Variants in NFIB observed in about 807,000 individuals in gnomAD.
NFIB encodes nuclear factor I B.
In NFIB, 11 loss-of-function variants were observed where a neutral mutation model predicts 61.5. The observed-to-expected ratio is 0.18, with a 90% CI of 0.11 to 0.30. NFIB has a LOEUF of 0.30. Ranked by LOEUF, NFIB falls within the 10% of genes least tolerant of loss-of-function variation. The pLI, the probability that NFIB is intolerant of heterozygous loss-of-function variation, is 1.00. For synonymous variants in NFIB, 260 were observed against 216.5 expected, an observed-to-expected ratio of 1.20 and a Z score of -1.76; for missense variants, 471 against 608.9, an observed-to-expected ratio of 0.77 and a Z score of 2.38.
rs892200899 is a variant in NFIB, at chr9:14,329,272, A to C, written c.109-21752T>G. ...GGACACCTCCTGACTCTAAACAAGC[A>C]CTCTTTGTATTAATGTTTTTTTCAG... is the stretch of plus-strand genomic sequence containing the variant. On this transcript the variant is annotated intron_variant, in intron 1 of 8. Transcript: ENST00000380934. Among the ~76,000 whole-genome samples the C allele has an allele frequency of 2.3e-4, 35 of 151,852 alleles. 1 individual carries two copies. Among genetic ancestry groups the C allele is most frequent in the African/African-American group, 8.5e-4 (35 of 41,388 alleles).
In NFIB at chr9:14,307,437, T is replaced by A; in HGVS notation, c.114A>T (p.Lys38Asn). 6.2e-7 allele frequency: 1 copy of A among 1,613,864 alleles called. No individual in the cohort carries two copies. Among genetic ancestry groups the A allele is most frequent in the Non-Finnish European group, 8.5e-7 (1 of 1,179,974 alleles). The change falls in exon 2 of 11, where the codon AAA (lysine) becomes AAT (asparagine). Residue 38 changes from lysine (K) to asparagine (N), a missense_variant. Physicochemically the swap from Lys to Asn is moderately conservative, Grantham distance 94. Around this residue, in one of 2 missense-constraint regions of NFIB, gnomAD observed 99 missense variants for 213.3 expected, o/e 0.46. Coordinates refer to ENST00000380953, the MANE Select transcript of NFIB (RefSeq NM_001190737.2). The surrounding 1 kb of genome is among the most constrained non-coding windows in gnomAD (Gnocchi z 5.3). Reference sequence around the variant, plus strand: ...TCTCATGCTTTTTAAAGTACTTGCGTTTTCGAGCCTGCAGGTTGAACCAAG... The same window carrying A: ...TCTCATGCTTTTTAAAGTACTTGCGATTTCGAGCCTGCAGGTTGAACCAAG... ...AYTWFNLQARKRKYFKKHEKR... is the reference protein window; with the variant it reads ...AYTWFNLQARNRKYFKKHEKR...
intron 5 of NFIB, among the ~76,000 whole-genome samples, chr9:14,149,015 T>C (rs991331417): frequency 5.3e-5 from 8 of 152,212 alleles, no homozygotes; most frequent in African/African-American, 2.4e-5. Flanking sequence ...CAGTATCTTA[T>C]ATAAAGTAGT....
At chr9:14,446,774 G>A in the NFIB span, among the ~76,000 whole-genome samples, 1 of 152,024 alleles carries the variant, frequency 6.6e-6, no homozygotes, top group Admixed American at 6.6e-5. Flanking sequence ...CATCACAAGA[G>A]TACAGGGAAT....
chr9:14,345,809 T>G (rs1158689301), intron 1 of NFIB, among the ~76,000 whole-genome samples: 1 of 152,138 alleles, frequency 6.6e-6, no homozygotes, highest in African/African-American at 2.4e-5. Context: ...CCCTCACCTG[T>G]ATTTTTCTCC....
intron 1 of NFIB, among the ~76,000 whole-genome samples, chr9:14,346,351 A>C (rs1480496833): frequency 7.1e-6 from 1 of 140,110 alleles, no homozygotes; most frequent in African/African-American, 2.5e-5. Flanking sequence ...GCCCCTGGGA[A>C]CGTCGCTCCG....
At chr9:14,165,761 A>T (rs1283766918) in intron 3 of NFIB, among the ~76,000 whole-genome samples, 2 of 152,178 alleles carry the variant, frequency 1.3e-5, no homozygotes, top group Non-Finnish European at 2.9e-5. Context: ...TCACAAAAAG[A>T]CAAATACTGT....
At chr9:14,426,009 C>T in the NFIB span, among the ~76,000 whole-genome samples, 2 of 152,108 alleles carry the variant, frequency 1.3e-5, no homozygotes, top group Non-Finnish European at 2.9e-5. Flanking sequence ...TCTTCTTTTC[C>T]TTACCTCTTC....
intron 2 of NFIB, among the ~76,000 whole-genome samples, chr9:14,222,862 C>G (rs914428085): frequency 3.3e-5 from 5 of 151,534 alleles, no homozygotes; most frequent in Admixed American, 2.0e-4. Flanking sequence ...AGCTCAAACA[C>G]CCCTTCTTTC....
intron 2 of NFIB, among the ~76,000 whole-genome samples, chr9:14,259,185 C>G (rs919474293): frequency 6.6e-6 from 1 of 152,044 alleles, no homozygotes; most frequent in Non-Finnish European, 1.5e-5. Flanking sequence ...GATAACATTT[C>G]TTTGTTTTAA....
intron 2 of NFIB, among the ~76,000 whole-genome samples, chr9:14,305,007 G>C (rs544874803): frequency 6.6e-6 from 1 of 152,272 alleles, no homozygotes; most frequent in East Asian, 1.9e-4. Flanking sequence ...ATAATGAAAA[G>C]TTCTTACAAT....
At chr9:14,138,091 T>C (rs1299217609) in intron 6 of NFIB, among the ~76,000 whole-genome samples, 1 of 152,192 alleles carries the variant, frequency 6.6e-6, no homozygotes, top group East Asian at 1.9e-4. Flanking sequence ...GTTCCCATTC[T>C]ACCTCTGCTA....
the NFIB span, among the ~76,000 whole-genome samples, chr9:14,500,805 G>A: frequency 2.0e-5 from 3 of 152,032 alleles, no homozygotes; most frequent in African/African-American, 4.8e-5. Context: ...GGACTCTCAC[G>A]CATTTCCCAC....
At chr9:14,522,294 G>C in the NFIB span, among the ~76,000 whole-genome samples, 1 of 151,444 alleles carries the variant, frequency 6.6e-6, no homozygotes, top group Non-Finnish European at 1.5e-5. Context: ...CAGCGTTTAT[G>C]TGTGTAAACT....
chr9:14,220,120 G>A (rs989367967), intron 2 of NFIB, among the ~76,000 whole-genome samples: 4 of 152,288 alleles, frequency 2.6e-5, no homozygotes, highest in Admixed American at 6.5e-5. Flanking sequence ...TGATGGGCTC[G>A]TCCACCTCCT....
intron 2 of NFIB, among the ~76,000 whole-genome samples, chr9:14,253,801 C>T (rs1044729853): frequency 3.9e-5 from 6 of 152,298 alleles, no homozygotes; most frequent in African/African-American, 1.4e-4. Context: ...GTAAAACTCT[C>T]TCAAGCCAAC....
intron 1 of NFIB, among the ~76,000 whole-genome samples, chr9:14,383,109 G>A (rs1358051907): frequency 3.9e-5 from 6 of 152,170 alleles, no homozygotes; most frequent in Admixed American, 2.6e-4. Flanking sequence ...AAAGGTAATA[G>A]GTTCACTCTG....
At chr9:14,384,977 A>G (rs10810134) in intron 1 of NFIB, among the ~76,000 whole-genome samples, 40,513 of 152,054 alleles carry the variant, frequency 0.27, 5,514 homozygotes, top group Middle Eastern at 0.34. Flanking sequence ...TCACATCTTG[A>G]TTTTCAGGTA....
At position 14,120,701 on chromosome 9, in the gene NFIB, G is replaced by T; in HGVS notation, c.1061-77C>A. 7.2e-7 allele frequency: 1 copy of T among 1,383,262 alleles called. No homozygotes were observed. The highest frequency in any genetic ancestry group is 9.7e-7 in the Non-Finnish European group (1 of 1,029,706). 85.7% of individuals were successfully genotyped at this position (1,383,262 alleles called of 1,614,324 possible). A position where few individuals can be genotyped will look rare whatever the true frequency, so the allele number is the denominator to read the frequency against. On this transcript the variant is annotated intron_variant, in intron 7 of 10. Transcript: ENST00000380953. This position sits in a 1 kb window ranked among gnomAD's most constrained non-coding sequence, Gnocchi z 4.4. ...CTCCATTCTGATCCTGAAGAATGCT[G>T]TGAAACTACAAAACTGGTAACCATT... is the stretch of plus-strand genomic sequence containing the variant.
rs2032424232 is a variant in NFIB, at chr9:14,083,876, C to T, written c.*4433G>A. 4.4e-6 allele frequency: 1 copy of T among 224,982 alleles called. No individual in the cohort carries two copies. The highest frequency in any genetic ancestry group is 8.9e-6 in the Non-Finnish European group (1 of 112,740). 13.9% of individuals were successfully genotyped at this position (224,982 alleles called of 1,614,324 possible). A position where few individuals can be genotyped will look rare whatever the true frequency, so the allele number is the denominator to read the frequency against. ...ACATAGCACTGTTTTAGTTTTCTGC[C>T]TATCCTGAATGCTCTGTGAAACTTA... On this transcript the variant is annotated 3_prime_UTR_variant, in exon 11 of 11. Transcript: ENST00000380953.
Sources: allele counts gnomAD v4.1 joint callset (sites outside exome capture counted in the v4.1 genomes callset), GRCh38; gene constraint gnomAD v4.1.1; regional missense constraint gnomAD v4.1.1; non-coding constraint Gnocchi (gnomAD v3.1); transcripts MANE v1.5; gene names NCBI Gene and HGNC (gene_info 2026-07-23, HGNC 2026-07-21).